FSIP1: variants seen among roughly 807,000 people sequenced by gnomAD.
The protein encoded by FSIP1 is fibrous sheath-interacting protein 1.
FSIP1 carries 65 observed loss-of-function variants against 60.9 expected under a neutral mutation model. That is an observed-to-expected ratio of 1.07 (90% CI 0.87 to 1.31). The LOEUF (loss-of-function observed/expected upper bound fraction) is 1.31. FSIP1 is among the 40% of genes most tolerant of loss of function. FSIP1 has a pLI of 0.00. For synonymous variants in FSIP1, 209 were observed against 221.2 expected (o/e 0.94, Z 0.49); for missense variants, 675 against 665.5 (o/e 1.01, Z -0.16).
At chr15:39,733,319 C>A (rs1181268531) in intron 8 of FSIP1, among the ~76,000 whole-genome samples, 1 of 152,204 alleles carries the variant, frequency 6.6e-6, no homozygotes, top group Admixed American at 6.5e-5. Context: ...GCGTGAGCCA[C>A]CACGCTGGGC....
At chr15:39,730,545 A>G (rs970637769) in intron 8 of FSIP1, among the ~76,000 whole-genome samples, 1 of 152,232 alleles carries the variant, frequency 6.6e-6, no homozygotes, top group Non-Finnish European at 1.5e-5. Context: ...AATCAGAGGC[A>G]TTATAGGTAA....
chr15:39,658,919 G>A (rs1444910265), intron 10 of FSIP1, among the ~76,000 whole-genome samples: 1 of 152,198 alleles, frequency 6.6e-6, no homozygotes, highest in Non-Finnish European at 1.5e-5. Flanking sequence ...AAACGTCCAA[G>A]TGACTAATGA....
intron 10 of FSIP1, among the ~76,000 whole-genome samples, chr15:39,668,973 G>T (rs1191136718): frequency 1.3e-5 from 2 of 152,182 alleles, no homozygotes; most frequent in Non-Finnish European, 2.9e-5. Flanking sequence ...GTCAGATGAA[G>T]ATAATGATAT....
chr15:39,604,434 C>T (rs146405092), intron 11 of FSIP1, among the ~76,000 whole-genome samples: 1 of 152,276 alleles, frequency 6.6e-6, no homozygotes, highest in East Asian at 1.9e-4. Flanking sequence ...TGCCTTTGTT[C>T]ATTTTATACT....
intron 5 of FSIP1, among the ~76,000 whole-genome samples, chr15:39,749,403 A>C (rs1367718243): frequency 7.6e-6 from 1 of 131,802 alleles, no homozygotes; most frequent in Non-Finnish European, 1.6e-5. Flanking sequence ...ACATTGATGT[A>C]AAAATCCTTA....
intron 10 of FSIP1, among the ~76,000 whole-genome samples, chr15:39,660,818 T>C (rs985050257): frequency 4.6e-5 from 7 of 152,206 alleles, no homozygotes; most frequent in African/African-American, 1.7e-4. Flanking sequence ...TTCCCAGCAC[T>C]TTGGGAGGTT....
intron 10 of FSIP1, among the ~76,000 whole-genome samples, chr15:39,678,616 T>C (rs1457252266): frequency 2.0e-5 from 3 of 152,354 alleles, no homozygotes; most frequent in African/African-American, 7.2e-5. Context: ...ACAAATACAG[T>C]TGTTTCCAAA....
intron 10 of FSIP1, among the ~76,000 whole-genome samples, chr15:39,674,116 G>C (rs897605448): frequency 6.6e-6 from 1 of 150,920 alleles, no homozygotes; most frequent in East Asian, 1.9e-4. Context: ...GTGCAGTGGC[G>C]CGATCTCGGC....
chr15:39,645,709 C>T lies in FSIP1; in HGVS notation c.1189-27464G>A, dbSNP rs370001707. Among the ~76,000 whole-genome samples the T allele has an allele frequency of 3.3e-4, 51 of 152,332 alleles. No individual in the cohort carries two copies. The East Asian group carries it at 8.3e-3, about 25-fold the overall frequency. On this transcript the variant is annotated intron_variant, in intron 10 of 11. Coordinates refer to ENST00000350221, the MANE Select transcript of FSIP1 (RefSeq NM_152597.5). ...CCCACGTGCAGGGCGTCTCTGCAGC[C>T]TGCACCCTCGGGCACCCCAGGAAGG...
chr15:39,695,221 C>A (rs756708546), intron 10 of FSIP1, among the ~76,000 whole-genome samples: 21 of 152,146 alleles, frequency 1.4e-4, no homozygotes, highest in Non-Finnish European at 2.6e-4. Flanking sequence ...TCAAAATACA[C>A]TTCTGGTCAT....
At chr15:39,659,780 T>C (rs1246500967) in intron 10 of FSIP1, among the ~76,000 whole-genome samples, 2 of 152,116 alleles carry the variant, frequency 1.3e-5, no homozygotes, top group Non-Finnish European at 2.9e-5. Flanking sequence ...TCAGTGTGTA[T>C]ATCACTATAA....
intron 10 of FSIP1, among the ~76,000 whole-genome samples, chr15:39,642,878 T>C (rs992893645): frequency 1.3e-5 from 2 of 152,188 alleles, no homozygotes; most frequent in African/African-American, 2.4e-5. Context: ...CCACCATCAT[T>C]GAGCATATCT....
intron 10 of FSIP1, among the ~76,000 whole-genome samples, chr15:39,671,991 T>G (rs1479113221): frequency 1.3e-5 from 2 of 152,206 alleles, no homozygotes; most frequent in South Asian, 4.1e-4. Flanking sequence ...TCTCACCAGA[T>G]ACAGGTTCCA....
chr15:39,631,640 C>T (rs1891894699), intron 10 of FSIP1, among the ~76,000 whole-genome samples: 1 of 152,152 alleles, frequency 6.6e-6, no homozygotes, highest in Admixed American at 6.5e-5. Flanking sequence ...AATAAAAAGC[C>T]TGCATTCTGG....
At chr15:39,687,989 T>A (rs1894450130) in intron 10 of FSIP1, among the ~76,000 whole-genome samples, 1 of 152,082 alleles carries the variant, frequency 6.6e-6, no homozygotes, top group South Asian at 2.1e-4. Flanking sequence ...GCACTAGGAA[T>A]CAGAAGAGAG....
At chr15:39,731,926 T>C (rs1426103670) in intron 8 of FSIP1, among the ~76,000 whole-genome samples, 2 of 152,214 alleles carry the variant, frequency 1.3e-5, no homozygotes, top group African/African-American at 2.4e-5. Context: ...GATGAAAATA[T>C]TTCTTAAATT....
intron 5 of FSIP1, among the ~76,000 whole-genome samples, chr15:39,749,887 G>C (rs927606611): frequency 4.6e-5 from 7 of 151,908 alleles, no homozygotes; most frequent in African/African-American, 1.7e-4. Context: ...ACTTGCAGAT[G>C]ACATGATTTT....
intron 5 of FSIP1, among the ~76,000 whole-genome samples, chr15:39,763,287 T>C (rs16969808): frequency 0.09 from 13,660 of 152,252 alleles, 723 homozygotes; most frequent in African/African-American, 0.12. Context: ...TTCACCATCA[T>C]ATAAATGGGT....
chr15:39,706,374 C>T (rs1895270892), intron 10 of FSIP1, among the ~76,000 whole-genome samples: 2 of 152,140 alleles, frequency 1.3e-5, no homozygotes, highest in Admixed American at 1.3e-4. Context: ...ATAATGATAT[C>T]ACATTTGTCA....
Sources: allele counts gnomAD v4.1 joint callset (sites outside exome capture counted in the v4.1 genomes callset), GRCh38; gene constraint gnomAD v4.1.1; transcripts MANE v1.5; gene names NCBI Gene and HGNC (gene_info 2026-07-23, HGNC 2026-07-21).